The following FAM135A variants were observed in gnomAD, a reference collection of about 807,000 sequenced individuals.
FAM135A encodes the protein protein FAM135A.
FAM135A carries 79 observed loss-of-function variants against 146.8 expected under a neutral mutation model. The observed-to-expected ratio is 0.54, with a 90% CI of 0.45 to 0.65. The LOEUF is 0.65. Among genes scored for constraint, FAM135A ranks in the 30% least tolerant of loss-of-function variants. FAM135A has a pLI of 0.00. For missense variants in FAM135A, 1,623 were observed against 1,758.2 expected (o/e 0.92, Z 1.38); for synonymous variants, 562 against 603.6 (o/e 0.93, Z 1.01).
chr6:70,438,872 A>G (rs1773823862), intron 4 of FAM135A, among the ~76,000 whole-genome samples: 1 of 152,200 alleles, frequency 6.6e-6, no homozygotes, highest in Non-Finnish European at 1.5e-5. Context: ...GATGGAAAAG[A>G]CAGCAGGGCA....
At chr6:70,515,165 G>A (rs1791916602) in intron 12 of FAM135A, among the ~76,000 whole-genome samples, 1 of 152,136 alleles carries the variant, frequency 6.6e-6, no homozygotes, top group South Asian at 2.1e-4. Flanking sequence ...TTCCTGGTAG[G>A]AACACAAAAT....
intron 16 of FAM135A, 87 bp downstream of exon 16, chr6:70,528,539 C>A: frequency 8.1e-7 from 1 of 1,227,864 alleles, no homozygotes; most frequent in African/African-American, 1.5e-5. Flanking sequence ...AGTCTTTGAA[C>A]TAAAAAAAGA....
In FAM135A at chr6:70,482,064, T is replaced by G; in HGVS notation, c.733T>G (p.Cys245Gly). 1 of 1,613,884 alleles carries G rather than the reference T, an allele frequency of 6.2e-7. No individual in the cohort carries two copies. The highest frequency in any genetic ancestry group is 8.5e-7 in the Non-Finnish European group (1 of 1,179,866). ...HHAYRFHYTL[C>G]ATLLLAFKGL... ...TGCGTATCGTTTTCATTATACACTTTGTGCCACTTTGCTGCTAGCCTTCAA... is the reference window on the plus strand; with the variant it reads ...TGCGTATCGTTTTCATTATACACTTGGTGCCACTTTGCTGCTAGCCTTCAA... The change falls in exon 10 of 22, where the codon TGT becomes GGT. Residue 245 changes from cysteine (C) to glycine (G), a missense_variant. By Grantham distance (159) the Cys-to-Gly change is radical. Around this residue, in one of 7 missense-constraint regions of FAM135A, gnomAD observed 206 missense variants for 194.7 expected, o/e 1.06. Transcript: ENST00000418814.
chr6:70,481,693 G>T (rs955785165), intron 9 of FAM135A, among the ~76,000 whole-genome samples: 8 of 147,264 alleles, frequency 5.4e-5, no homozygotes, highest in Non-Finnish European at 7.5e-5. Context: ...TATTATAAAA[G>T]AAAAGGGGAC....
intron 4 of FAM135A, among the ~76,000 whole-genome samples, chr6:70,435,821 G>A (rs1016959001): frequency 3.3e-5 from 5 of 152,246 alleles, no homozygotes; most frequent in African/African-American, 9.6e-5. Context: ...TTGTTTTATT[G>A]ACATTGATTA....
intron 12 of FAM135A, among the ~76,000 whole-genome samples, chr6:70,522,082 A>T (rs755056881): frequency 6.6e-6 from 1 of 151,924 alleles, no homozygotes; most frequent in Admixed American, 6.6e-5. Flanking sequence ...ATGCCCCACT[A>T]ATTTTTGTGT....
In FAM135A at chr6:70,524,851, T is replaced by C; in HGVS notation, c.1767T>C (p.Asp589=). The C allele has an allele frequency of 6.3e-7, 1 of 1,598,816 alleles. No individual in the cohort carries two copies. Among genetic ancestry groups the C allele is most frequent in the Non-Finnish European group, 8.5e-7 (1 of 1,172,184 alleles). The change falls in exon 15 of 22, where the codon GAT becomes GAC. Residue 589 remains aspartate (D), a synonymous_variant. Transcript: ENST00000418814. ...AGAGAACTGAACAAAAGTCTCCAGATATTGAAAATGTTCAACCAGACCAGT... is the reference window on the plus strand; with the variant it reads ...AGAGAACTGAACAAAAGTCTCCAGACATTGAAAATGTTCAACCAGACCAGT... The part of the protein sequence containing the change: ...NTERTEQKSP[D]IENVQPDQFD...
intron 21 of FAM135A, chr6:70,557,700 A>C (rs1801140359): frequency 1.3e-5 from 2 of 150,820 alleles, no homozygotes; most frequent in Admixed American, 1.3e-4. Context: ...GTCTCAAAAA[A>C]AAAAAAAAAA....
intron 2 of FAM135A, among the ~76,000 whole-genome samples, chr6:70,420,158 G>A (rs1165809168): frequency 6.6e-6 from 1 of 152,174 alleles, no homozygotes; most frequent in Admixed American, 6.5e-5. Flanking sequence ...TGACAAAAGG[G>A]AGTGTCTGGA....
At chr6:70,455,901 G>T (rs1343239788) in intron 5 of FAM135A, among the ~76,000 whole-genome samples, 1 of 152,122 alleles carries the variant, frequency 6.6e-6, no homozygotes. Flanking sequence ...CGCCAGGCTG[G>T]AGTGCAGTGG....
intron 10 of FAM135A, 22 bp downstream of exon 10, chr6:70,482,176 T>C: frequency 1.9e-6 from 3 of 1,610,848 alleles, no homozygotes; most frequent in East Asian, 4.5e-5. Flanking sequence ...GTAGCGAGAC[T>C]TATTCTACAG....
chr6:70,442,445 ACT>A (rs1489981210), intron 4 of FAM135A, among the ~76,000 whole-genome samples: 2 of 151,878 alleles, frequency 1.3e-5, no homozygotes, highest in Non-Finnish European at 2.9e-5. Flanking sequence ...CAAAACCAAA[ACT>A]CTGTAAAGTC....
chr6:70,522,641 C>A, intron 13 of FAM135A, 55 bp downstream of exon 13: 3 of 1,379,426 alleles, frequency 2.2e-6, no homozygotes, highest in Non-Finnish European at 3.1e-6. Context: ...ACATAAGATA[C>A]CTGTCTCAGA....
At chr6:70,430,229 C>T (rs370213538) in intron 4 of FAM135A, among the ~76,000 whole-genome samples, 11 of 151,706 alleles carry the variant, frequency 7.3e-5, no homozygotes, top group Non-Finnish European at 5.9e-5. Flanking sequence ...CCCAGCTACT[C>T]GGGAGGCTGA....
intron 12 of FAM135A, among the ~76,000 whole-genome samples, chr6:70,519,784 A>T (rs1402805424): frequency 6.6e-6 from 1 of 152,212 alleles, no homozygotes; most frequent in Non-Finnish European, 1.5e-5. Flanking sequence ...ACACACTGGG[A>T]AACTGAAAAA....
At chr6:70,478,163 T>A (rs549950895) in intron 8 of FAM135A, among the ~76,000 whole-genome samples, 1 of 152,178 alleles carries the variant, frequency 6.6e-6, no homozygotes, top group Non-Finnish European at 1.5e-5. Flanking sequence ...AACTATATCA[T>A]GTACCATTAG....
chr6:70,417,302 C>A (rs1331769094), intron 2 of FAM135A, among the ~76,000 whole-genome samples: 3 of 150,862 alleles, frequency 2.0e-5, no homozygotes, highest in Admixed American at 2.0e-4. Context: ...TTGCCTCTAC[C>A]TCCCGGATTC....
At chr6:70,549,648 T>C (rs1392144503) in intron 20 of FAM135A, among the ~76,000 whole-genome samples, 2 of 152,310 alleles carry the variant, frequency 1.3e-5, no homozygotes, top group Middle Eastern at 3.4e-3. Flanking sequence ...TTAAAATACT[T>C]TATTGTTAAA....
chr6:70,481,420 T>A (rs1302486782), intron 9 of FAM135A, among the ~76,000 whole-genome samples: 3 of 152,042 alleles, frequency 2.0e-5, no homozygotes, highest in Non-Finnish European at 2.9e-5. Flanking sequence ...AGGCTTAGCC[T>A]GGAGGATTGC....
Sources: gnomAD v4.1 joint callset for allele counts (sites outside exome capture counted in the v4.1 genomes callset) on GRCh38, gnomAD v4.1.1 for gene constraint, gnomAD v4.1.1 regional missense constraint, MANE v1.5 for transcripts, NCBI Gene and HGNC (gene_info 2026-07-23, HGNC 2026-07-21) for gene names.